The following SLC39A11 variants were observed in gnomAD, a reference collection of about 807,000 sequenced individuals.
SLC39A11 encodes solute carrier family 39 member 11, also known as zinc transporter ZIP11.
A neutral mutation model predicts 36.1 loss-of-function variants in SLC39A11; 33 were observed. That is an observed-to-expected ratio of 0.91 (90% CI 0.69 to 1.22). The LOEUF (loss-of-function observed/expected upper bound fraction) is 1.22, where lower values mean the gene tolerates loss of function less well. Ranked by LOEUF, SLC39A11 falls within the 50% of genes most tolerant of loss-of-function variation. The pLI is 0.00. For synonymous variants in SLC39A11, 166 were observed against 170.3 expected (o/e 0.97, Z 0.20); for missense variants, 432 against 430.3 (o/e 1.00, Z -0.03).
intron 5 of SLC39A11, among the ~76,000 whole-genome samples, chr17:72,925,018 A>AG (rs546186664): frequency 0.052 from 7,814 of 151,106 alleles, 457 homozygotes; most frequent in East Asian, 0.27. Flanking sequence ...AAAAAAAAAA[A>AG]AAAGCCATAG....
At chr17:72,967,473 C>G (rs1459005075) in intron 4 of SLC39A11, among the ~76,000 whole-genome samples, 1 of 150,378 alleles carries the variant, frequency 6.6e-6, no homozygotes, top group Non-Finnish European at 1.5e-5. Flanking sequence ...CATCCTAAAA[C>G]CAGCCTCCAC....
chr17:72,926,126 T>A (rs984613960), intron 5 of SLC39A11, among the ~76,000 whole-genome samples: 2 of 152,248 alleles, frequency 1.3e-5, no homozygotes, highest in African/African-American at 4.8e-5. Flanking sequence ...ATTGGTTCCA[T>A]ATAAATGCTT....
intron 6 of SLC39A11, among the ~76,000 whole-genome samples, chr17:72,778,198 C>A (rs570260616): frequency 1.5e-4 from 23 of 152,306 alleles, no homozygotes; most frequent in African/African-American, 5.5e-4. Context: ...AGCCACCAGG[C>A]CTGGCCCATT....
At position 73,088,678 on chromosome 17, in the gene SLC39A11, C is replaced by T. The variant is rs1367433986; in HGVS notation, c.87G>A (p.Val29=). ...TCACCTGTCCACTAGAGAATACGAA[C>T]ACGAGAGCTGCCCCAGCTGCTGTCA... The part of the protein sequence containing the change: ...WGMTAAGAAL[V]FVFSSGQRRI... The change falls in exon 2 of 10, where the codon GTG becomes GTA. Residue 29 remains valine, a synonymous_variant. Transcript: ENST00000255559. The T allele has an allele frequency of 9.9e-6, 16 of 1,612,502 alleles. No homozygotes were observed. The East Asian group carries it at 3.6e-4, about 36-fold the overall frequency.
chr17:72,862,357 T>C (rs1025799287), intron 5 of SLC39A11, among the ~76,000 whole-genome samples: 8 of 152,142 alleles, frequency 5.3e-5, no homozygotes, highest in Middle Eastern at 3.4e-3. Context: ...AGGAAAAAAA[T>C]AAATCAGAAA....
chr17:72,740,170 C>G (rs1598519144), intron 6 of SLC39A11, among the ~76,000 whole-genome samples: 1 of 149,326 alleles, frequency 6.7e-6, no homozygotes, highest in Non-Finnish European at 1.5e-5. Flanking sequence ...TCACACCATT[C>G]TCCTGCCTCA....
intron 7 of SLC39A11, among the ~76,000 whole-genome samples, chr17:72,655,304 G>A (rs928996849): frequency 1.3e-5 from 2 of 152,222 alleles, no homozygotes; most frequent in African/African-American, 4.8e-5. Context: ...GGTGGGGGTG[G>A]CCCAGTGGAG....
chr17:73,052,618 C>T (rs62073128), intron 3 of SLC39A11, among the ~76,000 whole-genome samples: 38,891 of 151,974 alleles, frequency 0.26, 5,077 homozygotes, highest in Admixed American at 0.29. Flanking sequence ...TGAGAAACTG[C>T]AGAACACATT....
intron 4 of SLC39A11, among the ~76,000 whole-genome samples, chr17:73,028,718 C>T (rs941575866): frequency 9.2e-5 from 14 of 151,964 alleles, no homozygotes; most frequent in African/African-American, 3.4e-4. Context: ...ACCAGCTGCT[C>T]CCAAACCATT....
chr17:72,898,137 T>C (rs1336008074), intron 5 of SLC39A11, among the ~76,000 whole-genome samples: 1 of 152,146 alleles, frequency 6.6e-6, no homozygotes, highest in East Asian at 1.9e-4. Context: ...GTCTGGTGCA[T>C]CTGGCAATTT....
At chr17:73,019,595 C>A (rs1026440290) in intron 4 of SLC39A11, among the ~76,000 whole-genome samples, 1 of 152,014 alleles carries the variant, frequency 6.6e-6, no homozygotes. Flanking sequence ...CCTACAGCAA[C>A]CTGCAAACAT....
In SLC39A11 at chr17:72,947,846, C is replaced by T; in HGVS notation, c.336G>A (p.Leu112=). ...TCAACGTAGAGCCGAAGTTCAGTGCCAGGGTCGTCTGGGGGTCTTCTGCTG... is the reference window on the plus strand; with the variant it reads ...TCAACGTAGAGCCGAAGTTCAGTGCTAGGGTCGTCTGGGGGTCTTCTGCTG... The part of the protein sequence containing the change: ...LGAAEDPQTT[L]ALNFGSTLMK... Residue 112 remains leucine (L), a synonymous_variant, in exon 5 of 10, where the codon CTG becomes CTA. Transcript: ENST00000255559. The T allele has an allele frequency of 6.2e-7, 1 of 1,614,118 alleles. No individual in the cohort carries two copies. The highest frequency in any genetic ancestry group is 8.5e-7 in the Non-Finnish European group (1 of 1,180,026).
chr17:72,825,353 C>A (rs2077975545), intron 6 of SLC39A11, among the ~76,000 whole-genome samples: 1 of 152,222 alleles, frequency 6.6e-6, no homozygotes, highest in Non-Finnish European at 1.5e-5. Flanking sequence ...AGAGCTGAAG[C>A]TTGGGAGCCT....
At chr17:73,080,515 C>A (rs1039494053) in intron 3 of SLC39A11, among the ~76,000 whole-genome samples, 2 of 152,132 alleles carry the variant, frequency 1.3e-5, no homozygotes. Context: ...AATGTAAGAC[C>A]TGAAACCATA....
At chr17:72,905,286 A>AT (rs770593669) in intron 5 of SLC39A11, among the ~76,000 whole-genome samples, 1,843 of 122,654 alleles carry the variant, frequency 0.015, 7 homozygotes, top group East Asian at 0.02. Context: ...TCTGTTTCCT[A>AT]TTTTTTTTTT....
chr17:72,921,045 T>C (rs1327688096), intron 5 of SLC39A11, among the ~76,000 whole-genome samples: 2 of 152,212 alleles, frequency 1.3e-5, no homozygotes, highest in Non-Finnish European at 2.9e-5. Flanking sequence ...GTTCTTATTC[T>C]TGCATTTGTT....
chr17:72,976,643 G>A (rs1199753203), intron 4 of SLC39A11, among the ~76,000 whole-genome samples: 1 of 152,196 alleles, frequency 6.6e-6, no homozygotes, highest in Admixed American at 6.5e-5. Flanking sequence ...GAGGTCAGGA[G>A]ATCGAGACCA....
At chr17:72,941,764 C>T (rs1023823165) in intron 5 of SLC39A11, among the ~76,000 whole-genome samples, 1 of 152,158 alleles carries the variant, frequency 6.6e-6, no homozygotes, top group Non-Finnish European at 1.5e-5. Flanking sequence ...ATTTAATATC[C>T]AGATGCGAAA....
At chr17:73,075,951 A>G (rs368781544) in intron 3 of SLC39A11, among the ~76,000 whole-genome samples, 54 of 152,238 alleles carry the variant, frequency 3.5e-4, no homozygotes, top group African/African-American at 1.3e-3. Flanking sequence ...TATATACCTC[A>G]AAGAGTCATT....
Sources: allele counts gnomAD v4.1 joint callset (sites outside exome capture counted in the v4.1 genomes callset), GRCh38; gene constraint gnomAD v4.1.1; transcripts MANE v1.5; gene names NCBI Gene and HGNC (gene_info 2026-07-23, HGNC 2026-07-21).